Variants in SPATA31F1 observed in about 807,000 individuals in gnomAD.
SPATA31F1 encodes SPATA31 subfamily F member 1.
chr9:34,726,885 C>G, the SPATA31F1 span: 1 of 1,551,808 alleles, frequency 6.4e-7, no homozygotes, highest in African/African-American at 1.4e-5. Flanking sequence ...TTCTCACCCA[C>G]CAGCAATTGC....
the SPATA31F1 span, chr9:34,723,305 A>G: frequency 6.4e-7 from 1 of 1,551,560 alleles, no homozygotes; most frequent in East Asian, 2.4e-5. Flanking sequence ...GGGGTAGCCC[A>G]GGGCTGAGGC....
chr9:34,723,128 C>T, the SPATA31F1 span: 2 of 1,365,122 alleles, frequency 1.5e-6, no homozygotes, highest in Non-Finnish European at 2.0e-6. Flanking sequence ...AATACTGGTC[C>T]TCTGGAGGGC....
the SPATA31F1 span, among the ~76,000 whole-genome samples, chr9:34,727,773 T>C: frequency 6.6e-6 from 1 of 152,228 alleles, no homozygotes; most frequent in East Asian, 1.9e-4. Context: ...TTATGAATTA[T>C]ACACTAGTAA....
the SPATA31F1 span, chr9:34,728,459 A>G: frequency 3.2e-5 from 23 of 710,982 alleles, no homozygotes; most frequent in African/African-American, 4.1e-4. Context: ...TTCTCAAGTT[A>G]TGATTTCCCA....
At chr9:34,723,520 C>T in the SPATA31F1 span, 89 of 1,551,820 alleles carry the variant, frequency 5.7e-5, no homozygotes, top group African/African-American at 9.7e-4. Context: ...TGGCCACCTT[C>T]GCAGCGGCTG....
At chr9:34,723,212 T>G in the SPATA31F1 span, 1 of 1,547,118 alleles carries the variant, frequency 6.5e-7, no homozygotes. Context: ...AATGTTTCTA[T>G]CTGAGGTGAG....
chr9:34,728,528 G>T, the SPATA31F1 span: 1 of 1,385,068 alleles, frequency 7.2e-7, no homozygotes, highest in Non-Finnish European at 1.0e-6. Flanking sequence ...CCTGGCTCTT[G>T]GCTCCAGAGG....
chr9:34,724,486 A>G, the SPATA31F1 span: 18 of 1,551,776 alleles, frequency 1.2e-5, no homozygotes, highest in Non-Finnish European at 1.6e-5. Flanking sequence ...CTGGTGCTGC[A>G]ACAGTTTGTT....
the SPATA31F1 span, chr9:34,726,805 A>T: frequency 1.7e-5 from 26 of 1,551,658 alleles, no homozygotes; most frequent in Non-Finnish European, 2.3e-5. Context: ...AAGACATACT[A>T]GACGTAGACA....
chr9:34,727,878 ACCC>A, the SPATA31F1 span: 1 of 707,072 alleles, frequency 1.4e-6, no homozygotes, highest in South Asian at 2.0e-5. Flanking sequence ...TTCCCTGGCA[ACCC>A]TCTCACCCAG....
chr9:34,725,266 C>G, the SPATA31F1 span: 1 of 1,365,016 alleles, frequency 7.3e-7, no homozygotes, highest in Non-Finnish European at 1.0e-6. Context: ...ACACTGGGGC[C>G]GCAATGGGTG....
chr9:34,726,941 G>A, the SPATA31F1 span: 1 of 1,551,486 alleles, frequency 6.4e-7, no homozygotes, highest in Non-Finnish European at 8.7e-7. Flanking sequence ...GCAGGGATCT[G>A]CACACAGGAT....
chr9:34,728,285 G>C, the SPATA31F1 span, among the ~76,000 whole-genome samples: 2 of 152,228 alleles, frequency 1.3e-5, no homozygotes, highest in Non-Finnish European at 2.9e-5. Flanking sequence ...ACCACAATGT[G>C]ATTGAGGCAG....
At chr9:34,727,989 G>GT in the SPATA31F1 span, 2 of 1,545,784 alleles carry the variant, frequency 1.3e-6, no homozygotes, top group Admixed American at 4.0e-5. Context: ...GGCCAGGCTG[G>GT]TTGTTGATAG....
the SPATA31F1 span, chr9:34,724,967 T>C: frequency 6.4e-7 from 1 of 1,551,734 alleles, no homozygotes; most frequent in Non-Finnish European, 8.7e-7. Context: ...CAGCTTAGGG[T>C]GTTCAGTGAC....
the SPATA31F1 span, chr9:34,724,288 T>C: frequency 6.4e-7 from 1 of 1,551,358 alleles, no homozygotes; most frequent in African/African-American, 1.4e-5. Context: ...AACCCTGGGG[T>C]ACAGCTTTGG....
the SPATA31F1 span, among the ~76,000 whole-genome samples, chr9:34,729,107 C>G: frequency 1.3e-3 from 204 of 152,192 alleles, 1 homozygote; most frequent in African/African-American, 4.5e-3. Flanking sequence ...TTCAATCAGA[C>G]TATGTTGCGG....
chr9:34,729,375 T>C, the SPATA31F1 span: 1 of 1,551,700 alleles, frequency 6.4e-7, no homozygotes, highest in Non-Finnish European at 8.7e-7. Context: ...GATGGAGCCA[T>C]AGATGTATAA....
the SPATA31F1 span, among the ~76,000 whole-genome samples, chr9:34,727,612 C>A: frequency 6.6e-6 from 1 of 152,144 alleles, no homozygotes; most frequent in Non-Finnish European, 1.5e-5. Flanking sequence ...AGAGTCTAGC[C>A]AGAGTCAGGT....
Sources: gnomAD v4.1 joint callset for allele counts (sites outside exome capture counted in the v4.1 genomes callset) on GRCh38, gnomAD v4.1.1 for gene constraint, MANE v1.5 for transcripts, NCBI Gene and HGNC (gene_info 2026-07-23, HGNC 2026-07-21) for gene names.